INPP4B: variants seen among roughly 807,000 people sequenced by gnomAD.
INPP4B encodes the protein inositol polyphosphate 4-phosphatase type II.
INPP4B carries 55 observed loss-of-function variants against 122.5 expected under a neutral mutation model. That is an observed-to-expected ratio of 0.45 (90% CI 0.36 to 0.56). The LOEUF is 0.56. Ranked by LOEUF, INPP4B falls within the 20% of genes least tolerant of loss-of-function variation. INPP4B has a pLI of 0.00. For synonymous variants in INPP4B, 403 were observed against 388.7 expected (o/e 1.04, Z -0.43); for missense variants, 1,000 against 1,097.7 (o/e 0.91, Z 1.26).
At chr4:142,263,354 T>C (rs1265285265) in intron 10 of INPP4B, among the ~76,000 whole-genome samples, 3 of 152,116 alleles carry the variant, frequency 2.0e-5, no homozygotes, top group Non-Finnish European at 4.4e-5. Flanking sequence ...TCTGTAAGTT[T>C]CTTTATTTTT....
chr4:142,313,463 G>T (rs1008136494), intron 8 of INPP4B, among the ~76,000 whole-genome samples: 9 of 152,192 alleles, frequency 5.9e-5, no homozygotes, highest in Non-Finnish European at 1.3e-4. Flanking sequence ...GGAGGGTCCA[G>T]TTGGAAGCAG....
At chr4:142,089,352 C>G (rs2152559828) in intron 23 of INPP4B, among the ~76,000 whole-genome samples, 1 of 151,808 alleles carries the variant, frequency 6.6e-6, no homozygotes, top group South Asian at 2.1e-4. Flanking sequence ...ATCTGGAGAG[C>G]TGATACATAA....
At chr4:142,180,059 AC>A (rs1412615693) in intron 15 of INPP4B, among the ~76,000 whole-genome samples, 1 of 152,158 alleles carries the variant, frequency 6.6e-6, no homozygotes, top group Non-Finnish European at 1.5e-5. Context: ...TAAAAATCAT[AC>A]CCCAATACTC....
At chr4:142,159,249 A>G (rs1197188197) in intron 17 of INPP4B, among the ~76,000 whole-genome samples, 3 of 78,442 alleles carry the variant, frequency 3.8e-5, no homozygotes, top group Non-Finnish European at 7.6e-5. Context: ...AGGTGTGTAC[A>G]CTTGGAACTG....
At chr4:142,121,383 G>A (rs371955548) in intron 21 of INPP4B, among the ~76,000 whole-genome samples, 109 of 152,200 alleles carry the variant, frequency 7.2e-4, no homozygotes, top group South Asian at 3.7e-3. Context: ...TCTCTAGCAT[G>A]AAAAGGCTCT....
intron 11 of INPP4B, among the ~76,000 whole-genome samples, chr4:142,256,984 G>A (rs1206799872): frequency 6.6e-6 from 1 of 152,124 alleles, no homozygotes; most frequent in Non-Finnish European, 1.5e-5. Context: ...GAATCCAGCA[G>A]CACATCAAAA....
chr4:142,063,473 A>G (rs1283005338), intron 25 of INPP4B, among the ~76,000 whole-genome samples: 1 of 152,178 alleles, frequency 6.6e-6, no homozygotes, highest in African/African-American at 2.4e-5. Flanking sequence ...TTTTTCCTTG[A>G]CTGTGATAAA....
chr4:142,623,727 C>A (rs913290790), intron 2 of INPP4B, among the ~76,000 whole-genome samples: 1 of 150,264 alleles, frequency 6.7e-6, no homozygotes, highest in Non-Finnish European at 1.5e-5. Context: ...CCTCACCCCA[C>A]CCCACAACAG....
At chr4:142,358,314 C>A (rs1235068849) in intron 7 of INPP4B, among the ~76,000 whole-genome samples, 2 of 151,660 alleles carry the variant, frequency 1.3e-5, no homozygotes, top group African/African-American at 4.8e-5. Flanking sequence ...TCATGGTAGA[C>A]CTAGAAAATA....
At chr4:142,664,767 T>A (rs891177168) in intron 2 of INPP4B, among the ~76,000 whole-genome samples, 4 of 152,158 alleles carry the variant, frequency 2.6e-5, no homozygotes, top group African/African-American at 7.2e-5. Flanking sequence ...GAAAACAAGA[T>A]GTCTAAAGTA....
chr4:142,781,808 C>CA (rs1774868872), intron 1 of INPP4B, among the ~76,000 whole-genome samples: 1 of 151,944 alleles, frequency 6.6e-6, no homozygotes. Context: ...AAGAAAGCCC[C>CA]ATGGAAATGG....
chr4:142,590,391 T>G (rs1463864779), intron 2 of INPP4B, among the ~76,000 whole-genome samples: 1 of 152,184 alleles, frequency 6.6e-6, no homozygotes, highest in Non-Finnish European at 1.5e-5. Flanking sequence ...CAAGCAACTT[T>G]GCAAATGTGT....
chr4:142,491,407 A>T (rs1484935139), intron 2 of INPP4B, among the ~76,000 whole-genome samples: 1 of 152,184 alleles, frequency 6.6e-6, no homozygotes, highest in Non-Finnish European at 1.5e-5. Flanking sequence ...GGGCCACAGC[A>T]CTTTAAGAGG....
At chr4:142,138,069 A>T (rs2152816492) in intron 18 of INPP4B, among the ~76,000 whole-genome samples, 2 of 152,116 alleles carry the variant, frequency 1.3e-5, no homozygotes, top group Non-Finnish European at 2.9e-5. Context: ...TCATGCTGCT[A>T]TAAAGACACA....
intron 2 of INPP4B, among the ~76,000 whole-genome samples, chr4:142,572,176 A>C (rs1732980711): frequency 6.6e-6 from 1 of 152,166 alleles, no homozygotes; most frequent in Non-Finnish European, 1.5e-5. Context: ...TTAGGTCTAT[A>C]AAGCTCTGTA....
chr4:142,689,295 C>A (rs911305947), intron 2 of INPP4B, among the ~76,000 whole-genome samples: 9 of 152,120 alleles, frequency 5.9e-5, no homozygotes, highest in African/African-American at 1.2e-4. Flanking sequence ...CCTTTACATC[C>A]CTGTTGCACC....
intron 2 of INPP4B, among the ~76,000 whole-genome samples, chr4:142,624,808 G>A (rs1745929232): frequency 6.6e-6 from 1 of 152,162 alleles, no homozygotes; most frequent in East Asian, 1.9e-4. Flanking sequence ...TCATCCCTGG[G>A]ATGCAAGGCT....
intron 23 of INPP4B, among the ~76,000 whole-genome samples, chr4:142,096,543 C>T (rs1781866554): frequency 1.3e-5 from 2 of 152,058 alleles, no homozygotes; most frequent in African/African-American, 2.4e-5. Context: ...TGTAGTTTAA[C>T]ATGCATTGAG....
At chr4:142,077,822 T>G (rs1236699709) in intron 25 of INPP4B, among the ~76,000 whole-genome samples, 4 of 151,968 alleles carry the variant, frequency 2.6e-5, no homozygotes, top group Non-Finnish European at 5.9e-5. Flanking sequence ...AGGTTTATAG[T>G]CTTGTCATAA....
Sources: allele counts gnomAD v4.1 joint callset (sites outside exome capture counted in the v4.1 genomes callset), GRCh38; gene constraint gnomAD v4.1.1; transcripts MANE v1.5; gene names NCBI Gene and HGNC (gene_info 2026-07-23, HGNC 2026-07-21).